Variants in MAML2 observed in about 807,000 individuals in gnomAD.
MAML2 encodes the protein mastermind-like protein 2.
In MAML2, 22 loss-of-function variants were observed where a neutral mutation model predicts 96.1. The observed-to-expected ratio is 0.23, with a 90% CI of 0.16 to 0.33. The LOEUF (loss-of-function observed/expected upper bound fraction) is 0.33. Ranked by LOEUF, MAML2 falls within the 10% of genes least tolerant of loss-of-function variation. The probability of loss-of-function intolerance (pLI) is 1.00; values close to 1 mark genes in which losing one functional copy is unlikely to be tolerated. For synonymous variants in MAML2, 561 were observed against 521.3 expected (o/e 1.08, Z -1.04); for missense variants, 1,367 against 1,392.4 (o/e 0.98, Z 0.29).
At chr11:96,338,628 A>G (rs1863948897) in intron 1 of MAML2, among the ~76,000 whole-genome samples, 1 of 152,216 alleles carries the variant, frequency 6.6e-6, no homozygotes, top group African/African-American at 2.4e-5. Flanking sequence ...TATGCAGGAT[A>G]CAAAGCTTTC....
In MAML2 at chr11:96,092,150, T is replaced by C. The variant is rs1157850795; in HGVS notation, c.1881A>G (p.Gln627=). Residue 627 remains glutamine, a synonymous_variant, in exon 2 of 5, where the codon CAA becomes CAG. Coordinates refer to ENST00000524717, the MANE Select transcript of MAML2 (RefSeq NM_032427.4). This position sits in a 1 kb window ranked among gnomAD's most constrained non-coding sequence, Gnocchi z 4.1. ...TTGAGCTCTGCTGCTGTTGCTGTTG[T>C]TGAGCTGAAATTGAACTCTGCTGTT... is the stretch of plus-strand genomic sequence containing the variant. ...QQQQQSSISA[Q]QQQQQQSSIS... is the part of the protein sequence containing the mutation. The C allele has an allele frequency of 6.5e-7, 1 of 1,547,946 alleles. No homozygotes were observed. Among genetic ancestry groups the C allele is most frequent in the African/African-American group, 1.4e-5 (1 of 71,772 alleles).
At chr11:96,031,827 T>G (rs911350391) in intron 2 of MAML2, among the ~76,000 whole-genome samples, 14 of 151,636 alleles carry the variant, frequency 9.2e-5, no homozygotes, top group African/African-American at 3.4e-4. Flanking sequence ...CTACTAAAAA[T>G]ACAAAAAAAT....
intron 4 of MAML2, among the ~76,000 whole-genome samples, chr11:95,984,209 T>C (rs1307583049): frequency 6.6e-6 from 1 of 152,228 alleles, no homozygotes; most frequent in Non-Finnish European, 1.5e-5. Context: ...CAATCAGCTA[T>C]ATCATATAGC....
intron 2 of MAML2, among the ~76,000 whole-genome samples, chr11:96,043,286 C>G (rs1858845952): frequency 6.6e-6 from 1 of 152,202 alleles, no homozygotes; most frequent in Admixed American, 6.5e-5. Flanking sequence ...GTCCCAGAAT[C>G]AGCACTATGA....
chr11:96,125,787 C>CT (rs1315545165), intron 1 of MAML2, among the ~76,000 whole-genome samples: 3 of 152,072 alleles, frequency 2.0e-5, no homozygotes, highest in Admixed American at 6.6e-5. Flanking sequence ...TCCAGAAAGG[C>CT]TTTTTTTGTA....
intron 2 of MAML2, among the ~76,000 whole-genome samples, chr11:96,023,395 G>A (rs1389880246): frequency 2.6e-5 from 4 of 152,244 alleles, no homozygotes; most frequent in East Asian, 1.9e-4. Flanking sequence ...CCCACTTGCC[G>A]AGCCCAGCCT....
At position 95,977,388 on chromosome 11, in the gene MAML2, C is replaced by T. The variant is rs1418632257; in HGVS notation, c.*1560G>A. 1 of 188,646 alleles carries T rather than the reference C, an allele frequency of 5.3e-6. No individual in the cohort carries two copies. Among genetic ancestry groups the T allele is most frequent in the East Asian group, 8.5e-5 (1 of 11,772 alleles). 11.7% of individuals were successfully genotyped at this position (188,646 alleles called of 1,614,324 possible). ...GGTATTGTAAAGAAGGAGAGTGCTT[C>T]CAGACATTTTAAAGACTGGGAGACA... On this transcript the variant is annotated 3_prime_UTR_variant, in exon 5 of 5. Coordinates refer to ENST00000524717, the MANE Select transcript of MAML2 (RefSeq NM_032427.4).
intron 1 of MAML2, among the ~76,000 whole-genome samples, chr11:96,193,296 G>A (rs1381266634): frequency 2.0e-5 from 3 of 152,204 alleles, no homozygotes; most frequent in Non-Finnish European, 4.4e-5. Flanking sequence ...TTGAACCCGG[G>A]AGGCGGAGGT....
intron 2 of MAML2, among the ~76,000 whole-genome samples, chr11:96,077,296 C>T (rs1356476108): frequency 7.1e-6 from 1 of 141,528 alleles, no homozygotes; most frequent in Non-Finnish European, 1.5e-5. Context: ...TCTAGGCTCA[C>T]TGCAACCTCT....
intron 1 of MAML2, among the ~76,000 whole-genome samples, chr11:96,129,870 A>G (rs1337921781): frequency 5.3e-5 from 8 of 152,172 alleles, no homozygotes; most frequent in Admixed American, 5.2e-4. Context: ...AGAACATGCA[A>G]TATTTGGTTT....
chr11:96,155,345 G>A (rs1157280072), intron 1 of MAML2, among the ~76,000 whole-genome samples: 2 of 151,124 alleles, frequency 1.3e-5, no homozygotes, highest in East Asian at 3.9e-4. Flanking sequence ...ATGCTGACAG[G>A]GCTGAGAAAT....
At chr11:96,060,675 C>G (rs1444995030) in intron 2 of MAML2, among the ~76,000 whole-genome samples, 1 of 152,224 alleles carries the variant, frequency 6.6e-6, no homozygotes, top group East Asian at 1.9e-4. Flanking sequence ...AAAGCTGAGG[C>G]CTTCTTTTTG....
intron 1 of MAML2, among the ~76,000 whole-genome samples, chr11:96,174,440 A>G (rs1184246641): frequency 6.6e-6 from 1 of 152,134 alleles, no homozygotes; most frequent in African/African-American, 2.4e-5. Context: ...CTCGAGTGCA[A>G]TGGCACAGTC....
intron 1 of MAML2, among the ~76,000 whole-genome samples, chr11:96,131,930 A>G (rs979173220): frequency 6.6e-6 from 1 of 152,216 alleles, no homozygotes; most frequent in African/African-American, 2.4e-5. Flanking sequence ...GAATCTCTTG[A>G]ACCCAGGAGG....
At chr11:96,138,155 A>G (rs1441411966) in intron 1 of MAML2, among the ~76,000 whole-genome samples, 1 of 152,218 alleles carries the variant, frequency 6.6e-6, no homozygotes. Flanking sequence ...TTTGTAATCA[A>G]AGATTTGAAC....
intron 1 of MAML2, among the ~76,000 whole-genome samples, chr11:96,117,965 A>G (rs1003424555): frequency 6.6e-6 from 1 of 152,226 alleles, no homozygotes; most frequent in Admixed American, 6.5e-5. Context: ...TGTAAGAAAT[A>G]ATTGTGATGA....
At chr11:96,176,465 T>C (rs777178259) in intron 1 of MAML2, among the ~76,000 whole-genome samples, 1 of 152,190 alleles carries the variant, frequency 6.6e-6, no homozygotes, top group African/African-American at 2.4e-5. Flanking sequence ...CATCTTGAGG[T>C]AGGAGAGAGC....
At chr11:96,057,996 T>C (rs1462652586) in intron 2 of MAML2, among the ~76,000 whole-genome samples, 1 of 152,214 alleles carries the variant, frequency 6.6e-6, no homozygotes, top group Admixed American at 6.5e-5. Flanking sequence ...ACTCTTCTAA[T>C]TTGCAGGACC....
chr11:95,992,073 C>A (rs1047014505), intron 2 of MAML2, among the ~76,000 whole-genome samples: 1 of 152,312 alleles, frequency 6.6e-6, no homozygotes, highest in East Asian at 1.9e-4. Context: ...CATAACCTAA[C>A]AAATCCTTCC....
Sources: allele counts gnomAD v4.1 joint callset (sites outside exome capture counted in the v4.1 genomes callset), GRCh38; gene constraint gnomAD v4.1.1; non-coding constraint Gnocchi (gnomAD v3.1); transcripts MANE v1.5; gene names NCBI Gene and HGNC (gene_info 2026-07-23, HGNC 2026-07-21).